The following ARFIP1 variants were observed in gnomAD, a reference collection of about 807,000 sequenced individuals.
The protein encoded by ARFIP1 is arfaptin-1.
In ARFIP1, 24 loss-of-function variants were observed where a neutral mutation model predicts 42.5. That is an observed-to-expected ratio of 0.57 (90% CI 0.41 to 0.80). The LOEUF is 0.80. Ranked by LOEUF, ARFIP1 falls within the 30% of genes least tolerant of loss-of-function variation. The probability of loss-of-function intolerance (pLI) is 0.00; values close to 1 mark genes in which losing one functional copy is unlikely to be tolerated. For missense variants in ARFIP1, 354 were observed against 434.0 expected (o/e 0.82, Z 1.64); for synonymous variants, 141 against 153.7 (o/e 0.92, Z 0.61).
At chr4:152,900,693 T>C (rs563240461) in intron 8 of ARFIP1, among the ~76,000 whole-genome samples, 5 of 152,334 alleles carry the variant, frequency 3.3e-5, no homozygotes, top group Non-Finnish European at 2.9e-5. Flanking sequence ...TTGCCTCTTA[T>C]TCTTCTGATC....
chr4:152,829,606 T>A lies in ARFIP1; in HGVS notation c.-9-19T>A. On this transcript the variant is annotated intron_variant, in intron 1 of 8. Transcript: ENST00000353617. ...GATTTGGTATTAGTTACGGCGCTTT[T>A]TTTCTTCTTTTGTTTTAGGAGTCTA... 1.9e-6 allele frequency: 3 copies of A among 1,571,158 alleles called. No individual in the cohort carries two copies. The highest frequency in any genetic ancestry group is 2.6e-6 in the Non-Finnish European group (3 of 1,156,466).
intron 1 of ARFIP1, among the ~76,000 whole-genome samples, chr4:152,817,025 A>G (rs2149836792): frequency 6.6e-6 from 1 of 152,326 alleles, no homozygotes; most frequent in South Asian, 2.1e-4. Flanking sequence ...AAACACTTTA[A>G]GTTTCTAGAA....
At chr4:152,797,362 T>A (rs1731531339) in intron 1 of ARFIP1, among the ~76,000 whole-genome samples, 1 of 152,192 alleles carries the variant, frequency 6.6e-6, no homozygotes, top group African/African-American at 2.4e-5. Context: ...TAATTATAGA[T>A]GTTTTTTGGT....
intron 3 of ARFIP1, among the ~76,000 whole-genome samples, chr4:152,867,205 T>C (rs373546185): frequency 2.0e-5 from 3 of 152,178 alleles, no homozygotes; most frequent in Non-Finnish European, 2.9e-5. Context: ...GCCTGGGCAC[T>C]ATTGAGCACT....
Position 152,910,813 on chromosome 4 carries a change from A to G in ARFIP1, c.*594A>G, listed in dbSNP as rs76772112. 0.027 allele frequency: 4,088 copies of G among 152,298 alleles called. 71 individuals carry two copies. Among genetic ancestry groups the G allele is most frequent in the Non-Finnish European group, 0.042 (2,835 of 67,988 alleles). The allele number at this position is 152,298 out of a possible 1,614,324, so 9.4% of individuals were successfully genotyped here. On this transcript the variant is annotated 3_prime_UTR_variant, in exon 9 of 9. Coordinates refer to ENST00000353617, the MANE Select transcript of ARFIP1 (RefSeq NM_001025595.3). The stretch of plus-strand genomic sequence containing the variant: ...AATCTGTACCACTGTAATTTTATTT[A>G]GACTTTTTTTTAAAGACACAGAAAT...
chr4:152,908,829 A>G (rs1169853112), intron 8 of ARFIP1, among the ~76,000 whole-genome samples: 3 of 150,486 alleles, frequency 2.0e-5, no homozygotes, highest in Non-Finnish European at 4.4e-5. Flanking sequence ...CTCAGTCACA[A>G]TGGCAGAGGT....
intron 8 of ARFIP1, among the ~76,000 whole-genome samples, chr4:152,907,612 A>G (rs1352033885): frequency 6.6e-6 from 1 of 152,148 alleles, no homozygotes; most frequent in East Asian, 1.9e-4. Flanking sequence ...TATATCATTC[A>G]GTTTGAACTC....
chr4:152,781,253 T>TTTTA (rs1730475670), intron 1 of ARFIP1, among the ~76,000 whole-genome samples: 1 of 138,486 alleles, frequency 7.2e-6, no homozygotes. Flanking sequence ...TTTTTTTTTT[T>TTTTA]GAGACAGAGT....
intron 3 of ARFIP1, among the ~76,000 whole-genome samples, chr4:152,865,255 A>G (rs1487641868): frequency 1.3e-5 from 2 of 151,934 alleles, no homozygotes; most frequent in Non-Finnish European, 2.9e-5. Flanking sequence ...TCCTGCCTCG[A>G]CATCCCAAGT....
chr4:152,837,327 T>C (rs1332158941), intron 2 of ARFIP1, among the ~76,000 whole-genome samples: 1 of 152,210 alleles, frequency 6.6e-6, no homozygotes, highest in Admixed American at 6.5e-5. Context: ...ATAGTTCTAC[T>C]TTTAGTTCTT....
chr4:152,829,663 A>C lies in ARFIP1; in HGVS notation c.30A>C (p.Ala10=). 1 of 1,612,384 alleles carries C rather than the reference A, an allele frequency of 6.2e-7. No individual in the cohort carries two copies. The highest frequency in any genetic ancestry group is 8.5e-7 in the Non-Finnish European group (1 of 1,178,896). ...CTCAAGAATCTCCCAAAAATTCAGC[A>C]GCAGAAATTCCAGTGACTAGTAATG... The part of the protein sequence containing the change: MAQESPKNS[A]AEIPVTSNGE... The change falls in exon 2 of 9, where the codon GCA becomes GCC. Residue 10 remains alanine, a synonymous_variant. Coordinates refer to ENST00000353617, the MANE Select transcript of ARFIP1 (RefSeq NM_001025595.3).
At chr4:152,895,059 C>A (rs1737193941) in intron 8 of ARFIP1, among the ~76,000 whole-genome samples, 1 of 152,124 alleles carries the variant, frequency 6.6e-6, no homozygotes, top group Admixed American at 6.5e-5. Flanking sequence ...AAGTGGTGGC[C>A]AGACTATGTA....
intron 2 of ARFIP1, among the ~76,000 whole-genome samples, chr4:152,844,769 A>G (rs1732399454): frequency 6.6e-6 from 1 of 152,244 alleles, no homozygotes; most frequent in Non-Finnish European, 1.5e-5. Flanking sequence ...AATCAATACC[A>G]TTAAAATAGC....
chr4:152,846,233 T>G (rs1732527558), intron 2 of ARFIP1, among the ~76,000 whole-genome samples: 1 of 151,904 alleles, frequency 6.6e-6, no homozygotes, highest in Non-Finnish European at 1.5e-5. Flanking sequence ...GGGCAAAGGG[T>G]GAAAAACTAT....
intron 1 of ARFIP1, among the ~76,000 whole-genome samples, chr4:152,826,472 G>A (rs1266575800): frequency 1.3e-5 from 2 of 152,130 alleles, no homozygotes; most frequent in Admixed American, 1.3e-4. Context: ...AGACTCAGAA[G>A]AGGGGAGGGT....
intron 1 of ARFIP1, among the ~76,000 whole-genome samples, chr4:152,813,319 G>A (rs554699533): frequency 6.6e-6 from 1 of 152,078 alleles, no homozygotes; most frequent in South Asian, 2.1e-4. Flanking sequence ...TGGGCTGGGG[G>A]GTCCTGGAAC....
At chr4:152,863,584 C>T in intron 2 of ARFIP1, 22 bp from the exon 3 acceptor site, 1 of 1,413,010 alleles carries the variant, frequency 7.1e-7, no homozygotes, top group Admixed American at 1.8e-5. Context: ...AAAGTTTTTT[C>T]TTTTATTTAA....
chr4:152,824,175 T>G (rs1730626848), intron 1 of ARFIP1, among the ~76,000 whole-genome samples: 1 of 150,922 alleles, frequency 6.6e-6, no homozygotes. Flanking sequence ...TAGCTGGAAG[T>G]GTTGGTGCAG....
chr4:152,896,648 C>T (rs1356335436), intron 8 of ARFIP1, among the ~76,000 whole-genome samples: 4 of 151,882 alleles, frequency 2.6e-5, no homozygotes, highest in South Asian at 2.1e-4. Context: ...AAAATGAAAC[C>T]TCTCACTGTA....
Sources: gnomAD v4.1 joint callset for allele counts (sites outside exome capture counted in the v4.1 genomes callset) on GRCh38, gnomAD v4.1.1 for gene constraint, MANE v1.5 for transcripts, NCBI Gene and HGNC (gene_info 2026-07-23, HGNC 2026-07-21) for gene names.